Variants in GSTA5 observed in about 807,000 individuals in gnomAD.
GSTA5 encodes glutathione S-transferase A5.
A neutral mutation model predicts 21.8 loss-of-function variants in GSTA5; 25 were observed. That is an observed-to-expected ratio of 1.14 (90% CI 0.83 to 1.60). The LOEUF (loss-of-function observed/expected upper bound fraction) is 1.60, where lower values mean the gene tolerates loss of function less well. Among genes scored for constraint, GSTA5 ranks in the 40% most tolerant of loss-of-function variants. The pLI is 0.00. For missense variants in GSTA5, 330 were observed against 259.2 expected, an observed-to-expected ratio of 1.27 and a Z score of -1.88; for synonymous variants, 102 against 89.5, an observed-to-expected ratio of 1.14 and a Z score of -0.78.
exon 4 of GSTA5, chr6:52,834,194 T>C: frequency 6.2e-7 from 1 of 1,614,182 alleles, no homozygotes; most frequent in African/African-American, 1.3e-5. Context: ...ACCAAGGCAG[T>C]CTTGGCATCT....
At chr6:52,832,869 G>A in exon 5 of GSTA5, 1 of 1,613,970 alleles carries the variant, frequency 6.2e-7, no homozygotes, top group Non-Finnish European at 8.5e-7. Flanking sequence ...CTTCAGCAGA[G>A]GGAAGCTGGA....
intron 2 of GSTA5, among the ~76,000 whole-genome samples, chr6:52,836,655 G>C (rs967792917): frequency 6.6e-6 from 1 of 152,134 alleles, no homozygotes; most frequent in East Asian, 1.9e-4. Flanking sequence ...GGGATTACAG[G>C]CATGTGCCAA....
At chr6:52,833,974 G>T (rs1764254461) in intron 4 of GSTA5, among the ~76,000 whole-genome samples, 167 bp downstream of exon 4, 1 of 152,180 alleles carries the variant, frequency 6.6e-6, no homozygotes, top group Non-Finnish European at 1.5e-5. Flanking sequence ...TGGTACAATT[G>T]TTCCTCCAAG....
exon 6 of GSTA5, chr6:52,831,814 G>T (rs1211574900): frequency 1.2e-6 from 2 of 1,612,376 alleles, no homozygotes; most frequent in East Asian, 2.2e-5. Flanking sequence ...TAGAATATTG[G>T]TCTGGCATGT....
At chr6:52,839,735 G>C (rs1292208754) in intron 1 of GSTA5, among the ~76,000 whole-genome samples, 1 of 152,200 alleles carries the variant, frequency 6.6e-6, no homozygotes, top group Non-Finnish European at 1.5e-5. Context: ...GGACTGGGAA[G>C]TGTTTTTCTC....
rs1161820897 is a variant in GSTA5 at position 52,832,860 on chromosome 6, T to C, written c.545A>G (p.Lys182Arg). 1.9e-6 allele frequency: 3 copies of C among 1,613,692 alleles called. No individual in the cohort carries two copies. The African/African-American group carries it at 4.0e-5, about 22-fold the overall frequency. Residue 182 changes from lysine (K) to arginine (R), a missense_variant and splice_region_variant, in exon 5 of 6, where the codon AAG becomes AGG. Lys to Arg is a conservative substitution (Grantham distance 26). Coordinates refer to ENST00000370989, the Ensembl canonical transcript of GSTA5. ...TCTCTGGGCTGTGAAATGGGTCACC[T>C]TCAGCAGAGGGAAGCTGGAGATAAG...
chr6:52,842,238 A>T (rs3996994), upstream of GSTA5, among the ~76,000 whole-genome samples: 4 of 152,152 alleles, frequency 2.6e-5, no homozygotes, highest in African/African-American at 9.6e-5. Context: ...GAATGGAAGG[A>T]CACAGGACTC....
upstream of GSTA5, among the ~76,000 whole-genome samples, chr6:52,845,556 G>A (rs995340505): frequency 2.6e-5 from 4 of 152,122 alleles, no homozygotes; most frequent in African/African-American, 7.2e-5. Flanking sequence ...ATGACTTGTC[G>A]TCAAGCTAAT....
At chr6:52,839,673 A>G (rs1422567430) in intron 1 of GSTA5, among the ~76,000 whole-genome samples, 1 of 152,166 alleles carries the variant, frequency 6.6e-6, no homozygotes, top group Non-Finnish European at 1.5e-5. Flanking sequence ...GAGTTTGTCC[A>G]TGACTCACTT....
At chr6:52,837,609 A>T (rs1216565213) in exon 2 of GSTA5, 10 of 1,604,210 alleles carry the variant, frequency 6.2e-6, no homozygotes, top group Non-Finnish European at 8.5e-6. Flanking sequence ...TTCTCTTCCA[A>T]CTGGAAGCAG....
intron 3 of GSTA5, 119 bp from the exon 4 acceptor site, chr6:52,834,401 C>A (rs1479008341): frequency 1.5e-5 from 13 of 872,172 alleles, no homozygotes; most frequent in Non-Finnish European, 2.3e-5. Flanking sequence ...CCAGTTAGTG[C>A]CTTTTATACG....
Position 52,836,102 on chromosome 6 carries a change from C to T in GSTA5, c.272+134G>A, listed in dbSNP as rs1764287985. On this transcript the variant is annotated intron_variant, in intron 3 of 5. Transcript: ENST00000370989. ...CTCATCTCCATGGGACTCTGCAATACTGGACCTCAGCGTGCATCCTCAAGA... is the reference window on the plus strand; with the variant it reads ...CTCATCTCCATGGGACTCTGCAATATTGGACCTCAGCGTGCATCCTCAAGA... The T allele has an allele frequency of 5.4e-6, 5 of 919,172 alleles. No homozygotes were observed. In the Admixed American group the frequency reaches 6.3e-5, roughly 12 times the overall value. 56.9% of individuals were successfully genotyped at this position (919,172 alleles called of 1,614,324 possible).
At chr6:52,840,930 A>G, upstream of GSTA5, 2 of 870,734 alleles carry the variant, frequency 2.3e-6, no homozygotes, top group Admixed American at 5.9e-5. Context: ...ATGCTGAAGA[A>G]GAACCTGCCT....
In GSTA5 at chr6:52,834,031, T is replaced by C. The variant is rs1764255646; in HGVS notation, c.414+110A>G. 6 of 1,188,664 alleles carry C rather than the reference T, an allele frequency of 5.0e-6. No individual in the cohort carries two copies. In the East Asian group the frequency reaches 1.4e-4, roughly 28 times the overall value. 73.6% of individuals were successfully genotyped at this position (1,188,664 alleles called of 1,614,324 possible). A position where few individuals can be genotyped will look rare whatever the true frequency, so the allele number is the denominator to read the frequency against. On this transcript the variant is annotated intron_variant, in intron 4 of 5. Transcript: ENST00000370989. ...GAGAGTCAGAGTGCTGCCTTGGTGT[T>C]CATGAAGTCTCACTGAAAGTGAAGG...
upstream of GSTA5, among the ~76,000 whole-genome samples, chr6:52,845,552 T>C (rs1764442535): frequency 6.6e-6 from 1 of 152,212 alleles, no homozygotes; most frequent in Non-Finnish European, 1.5e-5. Context: ...GAATATGACT[T>C]GTCGTCAAGC....
In GSTA5 at chr6:52,832,994, G is replaced by C; in HGVS notation, c.415-4C>G. ...CTTGTCTGTGGCTCTTTAAGACCTG[G>C]AGAATTGGAGGAATCAGATCAGGAA... is the stretch of plus-strand genomic sequence containing the variant. On this transcript the variant is annotated splice_polypyrimidine_tract_variant and splice_region_variant and intron_variant, in intron 4 of 5. Coordinates refer to ENST00000370989, the Ensembl canonical transcript of GSTA5. 6.2e-7 allele frequency: 1 copy of C among 1,613,948 alleles called. No homozygotes were observed. Among genetic ancestry groups the C allele is most frequent in the Non-Finnish European group, 8.5e-7 (1 of 1,179,922 alleles).
In GSTA5 at chr6:52,840,721, A is replaced by G; in HGVS notation, c.87+6T>C. The G allele has an allele frequency of 6.2e-7, 1 of 1,613,224 alleles. No individual in the cohort carries two copies. The highest frequency in any genetic ancestry group is 8.5e-7 in the Non-Finnish European group (1 of 1,179,300). On this transcript the variant is annotated splice_donor_region_variant and intron_variant, in intron 1 of 5. Coordinates refer to ENST00000370989, the Ensembl canonical transcript of GSTA5. ...CCAACTTAAGATGACCTTACTCAGAACCTACCTCTACTCCAGCTGCAGCCA... is the reference window on the plus strand; with the variant it reads ...CCAACTTAAGATGACCTTACTCAGAGCCTACCTCTACTCCAGCTGCAGCCA...
At chr6:52,843,399 C>A (rs187527526), upstream of GSTA5, among the ~76,000 whole-genome samples, 15 of 152,316 alleles carry the variant, frequency 9.8e-5, no homozygotes, top group Middle Eastern at 3.4e-3. Flanking sequence ...TTCTCCACAT[C>A]CTCTCCAGCA....
intron 5 of GSTA5, 91 bp from the exon 6 acceptor site, chr6:52,832,061 G>C: frequency 6.6e-7 from 1 of 1,521,280 alleles, no homozygotes; most frequent in South Asian, 1.4e-5. Flanking sequence ...TCATGCCAAA[G>C]ACCAAGCGAG....
Sources: allele counts gnomAD v4.1 joint callset (sites outside exome capture counted in the v4.1 genomes callset), GRCh38; gene constraint gnomAD v4.1.1; transcripts MANE v1.5; gene names NCBI Gene and HGNC (gene_info 2026-07-23, HGNC 2026-07-21).